The following CNTNAP2 variants were observed in gnomAD, a reference collection of about 807,000 sequenced individuals.
CNTNAP2 encodes contactin associated protein 2, also known as contactin-associated protein-like 2.
In CNTNAP2, 98 loss-of-function variants were observed where a neutral mutation model predicts 155.2. The ratio of observed to expected loss-of-function variants is 0.63; its 90% CI spans 0.54 to 0.75. CNTNAP2 has a LOEUF of 0.75. CNTNAP2 is among the 30% of genes least tolerant of loss of function. The pLI, the probability that CNTNAP2 is intolerant of heterozygous loss-of-function variation, is 0.00. For synonymous variants in CNTNAP2, 651 were observed against 631.2 expected, an observed-to-expected ratio of 1.03 and a Z score of -0.47; for missense variants, 1,727 against 1,688.1, an observed-to-expected ratio of 1.02 and a Z score of -0.40.
chr7:148,364,577 G>A (rs899863252), intron 21 of CNTNAP2, among the ~76,000 whole-genome samples: 1 of 152,266 alleles, frequency 6.6e-6, no homozygotes, highest in South Asian at 2.1e-4. Context: ...TGCACCAATC[G>A]ACACTCTGTA....
intron 3 of CNTNAP2, among the ~76,000 whole-genome samples, chr7:146,929,849 A>G (rs1307502417): frequency 1.3e-5 from 2 of 152,228 alleles, no homozygotes; most frequent in Non-Finnish European, 2.9e-5. Flanking sequence ...GTGATGGAAG[A>G]TGAAATAAAT....
At chr7:147,903,473 T>A in intron 13 of CNTNAP2, 92 bp from the exon 14 acceptor site, 1 of 1,359,518 alleles carries the variant, frequency 7.4e-7, no homozygotes, top group East Asian at 2.3e-5. Flanking sequence ...GTTCAGACTA[T>A]CAGAGTATTC....
rs527398139 is a variant in CNTNAP2, at chr7:147,318,594, C to T, written c.1498+18304C>T. Reference sequence around the variant, plus strand: ...AAAACCAACACCACATGTTCTCACTCATAAGTGGGAGTTGAACAATAAGAA... The same window carrying T: ...AAAACCAACACCACATGTTCTCACTTATAAGTGGGAGTTGAACAATAAGAA... On this transcript the variant is annotated intron_variant, in intron 9 of 23. Coordinates refer to ENST00000361727, the MANE Select transcript of CNTNAP2 (RefSeq NM_014141.6). Among the ~76,000 whole-genome samples, 9 of 152,058 alleles carry T rather than the reference C, an allele frequency of 5.9e-5. No homozygotes were observed. In the South Asian group the frequency reaches 1.7e-3, roughly 28 times the overall value.
intron 13 of CNTNAP2, among the ~76,000 whole-genome samples, chr7:147,656,757 C>T (rs1795530595): frequency 6.6e-6 from 1 of 150,908 alleles, no homozygotes; most frequent in African/African-American, 2.4e-5. Context: ...GAGAGCATGC[C>T]ATTGAAAAAA....
At chr7:147,601,208 C>A (rs373756767) in intron 12 of CNTNAP2, among the ~76,000 whole-genome samples, 1 of 152,110 alleles carries the variant, frequency 6.6e-6, no homozygotes, top group Non-Finnish European at 1.5e-5. Context: ...TTTTCACTGG[C>A]GTCCCTGTGA....
At chr7:147,673,604 T>G (rs1223089170) in intron 13 of CNTNAP2, among the ~76,000 whole-genome samples, 2 of 152,178 alleles carry the variant, frequency 1.3e-5, no homozygotes, top group African/African-American at 4.8e-5. Flanking sequence ...GCTGTCTGCT[T>G]TACTTAGCTC....
intron 1 of CNTNAP2, among the ~76,000 whole-genome samples, chr7:146,465,570 T>G (rs1260776075): frequency 6.6e-6 from 1 of 152,174 alleles, no homozygotes; most frequent in Non-Finnish European, 1.5e-5. Flanking sequence ...CATCAAATCA[T>G]AGAATTTCTG....
intron 3 of CNTNAP2, among the ~76,000 whole-genome samples, chr7:146,921,273 A>T (rs954093173): frequency 2.6e-5 from 4 of 152,196 alleles, no homozygotes; most frequent in African/African-American, 9.6e-5. Flanking sequence ...CATTTTTACT[A>T]TAAATTAATT....
intron 1 of CNTNAP2, among the ~76,000 whole-genome samples, chr7:146,758,614 C>A (rs974181308): frequency 2.0e-5 from 3 of 152,110 alleles, no homozygotes; most frequent in Non-Finnish European, 4.4e-5. Context: ...GAGAAGAGAG[C>A]TTGTGCAGGG....
chr7:146,706,519 T>C (rs1248622271), intron 1 of CNTNAP2, among the ~76,000 whole-genome samples: 1 of 152,162 alleles, frequency 6.6e-6, no homozygotes, highest in Admixed American at 6.6e-5. Flanking sequence ...ACCATGCTAA[T>C]AAATTATTCC....
At chr7:146,708,590 T>TA (rs1324947875) in intron 1 of CNTNAP2, among the ~76,000 whole-genome samples, 5 of 102,718 alleles carry the variant, frequency 4.9e-5, no homozygotes, top group Non-Finnish European at 9.8e-5. Flanking sequence ...AAAAAGTGAT[T>TA]TTTTTTTTTT....
rs1798980803 is a variant in CNTNAP2 at position 148,376,678 on chromosome 7, TAA to T, written c.3476-6970_3476-6969del. Among the ~76,000 whole-genome samples, 2 of 68,762 alleles carry T rather than the reference TAA, an allele frequency of 2.9e-5. 1 individual carries two copies. The highest frequency in any genetic ancestry group is 8.2e-5 in the Non-Finnish European group (2 of 24,400). 45.1% of individuals were successfully genotyped at this position (68,762 alleles called of 152,430 possible). On this transcript the variant is annotated intron_variant, in intron 21 of 23. Transcript: ENST00000361727. ...TATTTTAGTCCTGCATATTTCTTCA[TAA>T]GAGAGAAAAGCATCTAATAAATACA...
At chr7:148,389,146 A>G (rs62505151) in intron 22 of CNTNAP2, among the ~76,000 whole-genome samples, 18,016 of 152,226 alleles carry the variant, frequency 0.12, 1,487 homozygotes, top group South Asian at 0.29. Flanking sequence ...CTATTCAGCC[A>G]TCTTGGCTCC....
intron 1 of CNTNAP2, among the ~76,000 whole-genome samples, chr7:146,209,451 C>G (rs566797166): frequency 2.9e-4 from 44 of 152,308 alleles, no homozygotes; most frequent in Admixed American, 2.8e-3. Context: ...CCTAAAGTGT[C>G]AAGGCCAGTT....
At chr7:147,834,960 C>G (rs851710) in intron 13 of CNTNAP2, among the ~76,000 whole-genome samples, 3,385 of 152,308 alleles carry the variant, frequency 0.022, 138 homozygotes, top group African/African-American at 0.077. Context: ...TTTCTCTCCA[C>G]TTGCTCACAC....
At position 146,483,316 on chromosome 7, in the gene CNTNAP2, TATATATATATATAC is replaced by T. The variant is rs1397662508; in HGVS notation, c.98-290942_98-290929del. 7.1e-3 allele frequency among the ~76,000 whole-genome samples: 637 copies of T among 89,746 alleles called. 29 individuals carry two copies. The highest frequency in any genetic ancestry group is 0.028 in the African/African-American group (532 of 18,844). The allele number at this position is 89,746 out of a possible 152,430, so 58.9% of individuals were successfully genotyped here. ...ATATATATATATATATATATATATA[TATATATATATATAC>T]ATATATATATATTTAAGCACAGAGT... On this transcript the variant is annotated intron_variant, in intron 1 of 23. Transcript: ENST00000361727.
At chr7:146,590,459 A>C (rs7789059) in intron 1 of CNTNAP2, among the ~76,000 whole-genome samples, 126,154 of 152,068 alleles carry the variant, frequency 0.83, 52,962 homozygotes, top group African/African-American at 0.9. Flanking sequence ...ATCAAAGTCA[A>C]TAGAATATGA....
intron 9 of CNTNAP2, among the ~76,000 whole-genome samples, chr7:147,385,461 G>C (rs1194726888): frequency 6.6e-6 from 1 of 152,118 alleles, no homozygotes; most frequent in African/African-American, 2.4e-5. Context: ...AGACACAATG[G>C]GCGTACAGGC....
chr7:148,004,473 G>T (rs1304738966), intron 15 of CNTNAP2, among the ~76,000 whole-genome samples: 1 of 152,064 alleles, frequency 6.6e-6, no homozygotes, highest in Non-Finnish European at 1.5e-5. Context: ...ATTCTGGCAG[G>T]CATTGTGCAA....
Sources: gnomAD v4.1 joint callset for allele counts (sites outside exome capture counted in the v4.1 genomes callset) on GRCh38, gnomAD v4.1.1 for gene constraint, MANE v1.5 for transcripts, NCBI Gene and HGNC (gene_info 2026-07-23, HGNC 2026-07-21) for gene names.